HEATR4: variants seen among roughly 807,000 people sequenced by gnomAD.
HEATR4 encodes the protein HEAT repeat-containing protein 4.
HEATR4 carries 95 observed loss-of-function variants against 108.8 expected under a neutral mutation model. The ratio of observed to expected loss-of-function variants is 0.87; its 90% CI spans 0.74 to 1.04. HEATR4 has a LOEUF of 1.04. HEATR4 is among the 50% of genes least tolerant of loss of function. The probability of loss-of-function intolerance (pLI) is 0.00; values close to 1 mark genes in which losing one functional copy is unlikely to be tolerated. For missense variants in HEATR4, 1,152 were observed against 1,253.8 expected (o/e 0.92, Z 1.23); for synonymous variants, 443 against 459.4 (o/e 0.96, Z 0.46).
At chr14:73,526,475 G>A (rs1888343286) in intron 2 of HEATR4, among the ~76,000 whole-genome samples, 1 of 152,184 alleles carries the variant, frequency 6.6e-6, no homozygotes, top group Admixed American at 6.5e-5. Flanking sequence ...ACAAGGGAGT[G>A]CCTGCATCAT....
intron 1 of HEATR4, among the ~76,000 whole-genome samples, chr14:73,531,579 T>C (rs1248805130): frequency 9.1e-6 from 1 of 109,300 alleles, no homozygotes; most frequent in Non-Finnish European, 2.0e-5. Flanking sequence ...CCACTAATTG[T>C]TGTACTTTTA....
chr14:73,616,074 C>T, the HEATR4 span, among the ~76,000 whole-genome samples: 1 of 151,800 alleles, frequency 6.6e-6, no homozygotes, highest in Non-Finnish European at 1.5e-5. Context: ...TCAGATGATC[C>T]TCCCGCCTCT....
rs374406323 is a variant in HEATR4 at position 73,514,204 on chromosome 14, C to T, written c.1241G>A (p.Trp414Ter). Residue 414 changes from tryptophan to a stop codon, truncating the protein, a stop_gained, in exon 6 of 18, where the codon TGG (tryptophan) becomes TAG (stop). Coordinates refer to ENST00000553558, the MANE Select transcript of HEATR4 (RefSeq NM_001220484.1). LOFTEE classifies it high-confidence loss of function. ...SYRPVQGALR[W>*]TALPTPAKDM... ...CTTGGCGGGGGTGGGCAAAGCAGTC[C>T]AGCGCAGGGCTCCTTGCACAGGTCT... The T allele has an allele frequency of 5.7e-5, 92 of 1,614,184 alleles. No homozygotes were observed. The African/African-American group carries it at 8.8e-4, about 15-fold the overall frequency.
chr14:73,625,686 C>G, the HEATR4 span, among the ~76,000 whole-genome samples: 2 of 152,152 alleles, frequency 1.3e-5, no homozygotes, highest in African/African-American at 4.8e-5. Flanking sequence ...ATATCTGTTA[C>G]GGTGATCTTT....
intron 8 of HEATR4, 74 bp downstream of exon 8, chr14:73,509,238 G>T: frequency 1.4e-6 from 2 of 1,412,428 alleles, no homozygotes; most frequent in Non-Finnish European, 2.0e-6. Context: ...CAGTGGAGAG[G>T]AAAGGACTGG....
the HEATR4 span, among the ~76,000 whole-genome samples, chr14:73,572,036 T>C: frequency 6.6e-6 from 1 of 150,902 alleles, no homozygotes; most frequent in African/African-American, 2.4e-5. Context: ...TGCTGACCAG[T>C]ATGTGGAGGA....
chr14:73,567,534 C>G, the HEATR4 span: 2 of 151,976 alleles, frequency 1.3e-5, no homozygotes, highest in Non-Finnish European at 2.9e-5. Context: ...AATGGAAAAT[C>G]AGCGCTCTGT....
In HEATR4 at chr14:73,551,063, C is replaced by G. The variant is rs1308309299; in HGVS notation, c.-152+7688G>C. Among the ~76,000 whole-genome samples, 4 of 112,604 alleles carry G rather than the reference C, an allele frequency of 3.6e-5. 1 individual carries two copies. Among genetic ancestry groups the G allele is most frequent in the African/African-American group, 1.2e-4 (4 of 34,718 alleles). 73.9% of individuals were successfully genotyped at this position (112,604 alleles called of 152,430 possible). A position where few individuals can be genotyped will look rare whatever the true frequency, so the allele number is the denominator to read the frequency against. On this transcript the variant is annotated intron_variant, in intron 1 of 17. Coordinates refer to ENST00000553558, the MANE Select transcript of HEATR4 (RefSeq NM_001220484.1). ...TCCCAGCTACTTGGAGGTTGAGAGG[C>G]TGAGGCAGGAGAATCACTTGAACCT...
At chr14:73,560,368 AAAAGT>A (rs767329673), upstream of HEATR4, among the ~76,000 whole-genome samples, 1 of 152,102 alleles carries the variant, frequency 6.6e-6, no homozygotes, top group Non-Finnish European at 1.5e-5. Context: ...TTCTGTTATG[AAAAGT>A]AAAGACTGAG....
At chr14:73,574,972 C>T in the HEATR4 span, 2 of 1,605,166 alleles carry the variant, frequency 1.2e-6, no homozygotes, top group Non-Finnish European at 1.7e-6. Flanking sequence ...CTTTCCATGG[C>T]CTCTTTCCTG....
chr14:73,515,429 C>T (rs1030360324), intron 5 of HEATR4, among the ~76,000 whole-genome samples: 10 of 151,752 alleles, frequency 6.6e-5, no homozygotes, highest in Non-Finnish European at 1.3e-4. Context: ...CCTGTAATCC[C>T]AGCACTTTGG....
the HEATR4 span, chr14:73,592,403 C>G: frequency 6.5e-7 from 1 of 1,531,578 alleles, no homozygotes; most frequent in African/African-American, 1.4e-5. Flanking sequence ...GCGCCACGCT[C>G]TTCCTGCCGC....
chr14:73,624,177 C>A, the HEATR4 span, among the ~76,000 whole-genome samples: 7 of 152,004 alleles, frequency 4.6e-5, no homozygotes, highest in East Asian at 1.4e-3. Context: ...GGCTGGAGTG[C>A]AGTGGTGCAA....
the HEATR4 span, chr14:73,573,593 T>G: frequency 9.9e-6 from 16 of 1,613,624 alleles, no homozygotes; most frequent in Middle Eastern, 1.6e-4. Context: ...ATCCCGAGGT[T>G]AGTTCTTCTT....
rs533454402 is a variant in HEATR4, at chr14:73,538,293, G to T, written c.-151-8049C>A. On this transcript the variant is annotated intron_variant, in intron 1 of 17. Coordinates refer to ENST00000553558, the MANE Select transcript of HEATR4 (RefSeq NM_001220484.1). Reference sequence around the variant, plus strand: ...GCCCCTGCCGCTCCAAAACTGAGAGGTCCCTCAAACCTAGTGCTCAGTTAA... The same window carrying T: ...GCCCCTGCCGCTCCAAAACTGAGAGTTCCCTCAAACCTAGTGCTCAGTTAA... Among the ~76,000 whole-genome samples, 3 of 114,766 alleles carry T rather than the reference G, an allele frequency of 2.6e-5. No individual in the cohort carries two copies. In the South Asian group the frequency reaches 8.3e-4, roughly 32 times the overall value. 75.3% of individuals were successfully genotyped at this position (114,766 alleles called of 152,430 possible). A position where few individuals can be genotyped will look rare whatever the true frequency, so the allele number is the denominator to read the frequency against.
chr14:73,492,279 C>G lies in HEATR4; in HGVS notation c.2844+787G>C, dbSNP rs778715177. Reference sequence around the variant, plus strand: ...GTCCACTCTCTGCACCTCACCTTGTCCACGTACCAGCGCAATACCTGGGGT... The same window carrying G: ...GTCCACTCTCTGCACCTCACCTTGTGCACGTACCAGCGCAATACCTGGGGT... On this transcript the variant is annotated intron_variant, in intron 17 of 17. Coordinates refer to ENST00000553558, the MANE Select transcript of HEATR4 (RefSeq NM_001220484.1). This position sits in a 1 kb window ranked among gnomAD's most constrained non-coding sequence, Gnocchi z 4.9. 1 of 1,614,062 alleles carries G rather than the reference C, an allele frequency of 6.2e-7. No homozygotes were observed. The highest frequency in any genetic ancestry group is 2.2e-5 in the East Asian group (1 of 44,878).
the HEATR4 span, among the ~76,000 whole-genome samples, chr14:73,592,949 A>G: frequency 3.9e-5 from 6 of 152,226 alleles, no homozygotes; most frequent in Admixed American, 2.6e-4. Flanking sequence ...ATCCCAATGA[A>G]GTTGGTATTG....
the HEATR4 span, among the ~76,000 whole-genome samples, chr14:73,630,362 T>A: frequency 6.6e-6 from 1 of 152,242 alleles, no homozygotes. Context: ...CTTTGTTTCT[T>A]TGCAGTCAAC....
At chr14:73,629,840 G>A in the HEATR4 span, among the ~76,000 whole-genome samples, 1 of 151,614 alleles carries the variant, frequency 6.6e-6, no homozygotes. Flanking sequence ...GTAGAGACGG[G>A]GTTTCACCGT....
Sources: gnomAD v4.1 joint callset for allele counts (sites outside exome capture counted in the v4.1 genomes callset) on GRCh38, gnomAD v4.1.1 for gene constraint, Gnocchi (gnomAD v3.1) non-coding constraint, MANE v1.5 for transcripts, NCBI Gene and HGNC (gene_info 2026-07-23, HGNC 2026-07-21) for gene names.